Variants in CREB5 observed in about 807,000 individuals in gnomAD.
The protein encoded by CREB5 is cAMP responsive element binding protein 5.
In CREB5, 19 loss-of-function variants were observed where a neutral mutation model predicts 57.1. The ratio of observed to expected loss-of-function variants is 0.33; its 90% confidence interval spans 0.23 to 0.49. CREB5 has a LOEUF of 0.49. CREB5 is among the 20% of genes least tolerant of loss of function. The probability of loss-of-function intolerance (pLI) is 0.99; values close to 1 mark genes in which losing one functional copy is unlikely to be tolerated. For missense variants in CREB5, 579 were observed against 671.6 expected (o/e 0.86, Z 1.52); for synonymous variants, 238 against 238.3 (o/e 1.00, Z 0.01).
chr7:28,578,316 A>G lies in CREB5; in HGVS notation c.464+7779A>G, dbSNP rs1417057837. ...TACAAATCCAGAAGCAAGAATGAAA[A>G]CCTAGCAGGTTCACATGGCTTGTGG... is the stretch of plus-strand genomic sequence containing the variant. On this transcript the variant is annotated intron_variant, in intron 5 of 10. Transcript: ENST00000357727. 5.3e-5 allele frequency among the ~76,000 whole-genome samples: 8 copies of G among 152,086 alleles called. No homozygotes were observed. The East Asian group carries it at 1.5e-3, about 29-fold the overall frequency.
chr7:28,427,278 A>T (rs1205722139), intron 1 of CREB5, among the ~76,000 whole-genome samples: 1 of 152,224 alleles, frequency 6.6e-6, no homozygotes, highest in Non-Finnish European at 1.5e-5. Context: ...ACTTAAAACT[A>T]TACCACAGAC....
At chr7:28,313,727 A>G (rs1785324169) in intron 1 of CREB5, among the ~76,000 whole-genome samples, 1 of 152,088 alleles carries the variant, frequency 6.6e-6, no homozygotes, top group Non-Finnish European at 1.5e-5. Context: ...ACAACTCAAT[A>G]CCCCTTCACG....
intron 1 of CREB5, among the ~76,000 whole-genome samples, chr7:28,314,589 C>T (rs1361777138): frequency 6.6e-6 from 1 of 152,202 alleles, no homozygotes; most frequent in Non-Finnish European, 1.5e-5. Context: ...ATACAGACAA[C>T]ACACACAGCA....
At chr7:28,646,884 G>A (rs41321) in intron 5 of CREB5, among the ~76,000 whole-genome samples, 105,249 of 151,684 alleles carry the variant, frequency 0.69, 36,727 homozygotes, top group African/African-American at 0.74. Flanking sequence ...TACAACAACA[G>A]GAGCAACAAT....
rs977212088 is a variant in CREB5, at chr7:28,822,975, G to A, written c.*3696G>A. The A allele has an allele frequency of 6.6e-6, 1 of 152,634 alleles. No homozygotes were observed. Among genetic ancestry groups the A allele is most frequent in the South Asian group, 2.1e-4 (1 of 4,826 alleles). The allele number at this position is 152,634 out of a possible 1,614,324, so 9.5% of individuals were successfully genotyped here. ...ATTATAGTAATTAGGGTGACTTAGA[G>A]CAAATACTCTTCAGATCCTATGTAG... is the stretch of plus-strand genomic sequence containing the variant. On this transcript the variant is annotated 3_prime_UTR_variant, in exon 11 of 11. Transcript: ENST00000357727.
chr7:28,355,938 G>A (rs545155272), intron 1 of CREB5, among the ~76,000 whole-genome samples: 12 of 152,264 alleles, frequency 7.9e-5, no homozygotes, highest in South Asian at 2.1e-4. Flanking sequence ...GACTCAAGTC[G>A]TCCATCAGGG....
chr7:28,381,019 G>GT (rs1786956331), intron 1 of CREB5, among the ~76,000 whole-genome samples: 1 of 152,094 alleles, frequency 6.6e-6, no homozygotes, highest in African/African-American at 2.4e-5. Flanking sequence ...GGGGCAGGTG[G>GT]TTTGTTCACA....
chr7:28,630,789 T>C (rs1277003925), intron 5 of CREB5, among the ~76,000 whole-genome samples: 1 of 152,206 alleles, frequency 6.6e-6, no homozygotes, highest in East Asian at 1.9e-4. Context: ...CCACCCTACT[T>C]GCTAAGAGAG....
intron 1 of CREB5, among the ~76,000 whole-genome samples, chr7:28,404,783 A>T (rs60324668): frequency 0.045 from 6,799 of 152,184 alleles, 180 homozygotes; most frequent in Non-Finnish European, 0.05. Flanking sequence ...TTTCCTACTC[A>T]CTGCCAATCT....
At chr7:28,376,464 T>A (rs1786830209) in intron 1 of CREB5, among the ~76,000 whole-genome samples, 1 of 151,980 alleles carries the variant, frequency 6.6e-6, no homozygotes, top group Non-Finnish European at 1.5e-5. Flanking sequence ...GAGACGAAGT[T>A]TCGCCATGTT....
chr7:28,672,641 C>T (rs1800106424), intron 5 of CREB5, among the ~76,000 whole-genome samples: 1 of 152,082 alleles, frequency 6.6e-6, no homozygotes. Flanking sequence ...TTCCACTCCC[C>T]AGCCCAAAGC....
intron 7 of CREB5, among the ~76,000 whole-genome samples, chr7:28,776,746 C>G (rs1806677228): frequency 6.6e-6 from 1 of 152,224 alleles, no homozygotes; most frequent in South Asian, 2.1e-4. Flanking sequence ...TACTTTCTGT[C>G]TCTACGGATT....
At chr7:28,503,583 A>C (rs1295866167) in intron 3 of CREB5, among the ~76,000 whole-genome samples, 1 of 152,090 alleles carries the variant, frequency 6.6e-6, no homozygotes, top group East Asian at 1.9e-4. Flanking sequence ...CAGTCATCCT[A>C]GCAGCCTCTC....
chr7:28,504,293 T>C (rs1247217846), intron 3 of CREB5, among the ~76,000 whole-genome samples: 1 of 152,234 alleles, frequency 6.6e-6, no homozygotes, highest in African/African-American at 2.4e-5. Flanking sequence ...TCCATGGCCA[T>C]AAATTAAAAT....
chr7:28,759,342 T>C (rs1054045484), intron 7 of CREB5, among the ~76,000 whole-genome samples: 5 of 152,152 alleles, frequency 3.3e-5, no homozygotes, highest in African/African-American at 1.2e-4. Context: ...CCAATTTTGA[T>C]GTTTACTTCT....
chr7:28,446,930 C>T (rs772365820), intron 1 of CREB5, among the ~76,000 whole-genome samples: 2 of 152,186 alleles, frequency 1.3e-5, no homozygotes, highest in African/African-American at 4.8e-5. Flanking sequence ...TCTACTAAGC[C>T]AAGAGCACCT....
rs1001487383 is a variant in CREB5, at chr7:28,742,601, G to A, written c.702+18269G>A. Among the ~76,000 whole-genome samples, 6 of 152,062 alleles carry A rather than the reference G, an allele frequency of 3.9e-5. No individual in the cohort carries two copies. In the East Asian group the frequency reaches 5.8e-4, roughly 15 times the overall value. ...AAAAGAAAAGGAAAGAAAAGAAAAT[G>A]AGCAAACCCTTCATCTCCTCCTCAT... On this transcript the variant is annotated intron_variant, in intron 7 of 10. Transcript: ENST00000357727.
chr7:28,476,861 G>A (rs982263326), intron 1 of CREB5, among the ~76,000 whole-genome samples: 3 of 141,124 alleles, frequency 2.1e-5, no homozygotes, highest in African/African-American at 8.1e-5. Flanking sequence ...AAACAGTTTT[G>A]CTTTCTCATG....
chr7:28,791,623 C>G (rs1583754165), intron 7 of CREB5, among the ~76,000 whole-genome samples: 2 of 152,140 alleles, frequency 1.3e-5, no homozygotes, highest in Admixed American at 1.3e-4. Flanking sequence ...TTAGGGCAAG[C>G]TACTATATAT....
Sources: allele counts gnomAD v4.1 joint callset (sites outside exome capture counted in the v4.1 genomes callset), GRCh38; gene constraint gnomAD v4.1.1; transcripts MANE v1.5; gene names NCBI Gene and HGNC (gene_info 2026-07-23, HGNC 2026-07-21).